UBE2E2: variants seen among roughly 807,000 people sequenced by gnomAD.
UBE2E2 encodes ubiquitin conjugating enzyme E2 E2, also known as ubiquitin-conjugating enzyme E2 E2.
In UBE2E2, 6 loss-of-function variants were observed where a neutral mutation model predicts 24.7. The observed-to-expected ratio is 0.24, with a 90% confidence interval of 0.13 to 0.48. The LOEUF (loss-of-function observed/expected upper bound fraction) is 0.48. Ranked by LOEUF, UBE2E2 falls within the 20% of genes least tolerant of loss-of-function variation. The probability of loss-of-function intolerance (pLI) is 0.99; values close to 1 mark genes in which losing one functional copy is unlikely to be tolerated. For synonymous variants in UBE2E2, 104 were observed against 83.6 expected, an observed-to-expected ratio of 1.24 and a Z score of -1.33; for missense variants, 169 against 245.0, an observed-to-expected ratio of 0.69 and a Z score of 2.07.
At chr3:23,463,443 C>G (rs1179624513) in intron 3 of UBE2E2, among the ~76,000 whole-genome samples, 2 of 151,998 alleles carry the variant, frequency 1.3e-5, no homozygotes, top group African/African-American at 4.8e-5. Context: ...AATGAGAGGT[C>G]CAAGATTCAG....
rs149129124 is a variant in UBE2E2, at chr3:23,582,448, C to A, written c.509-7286C>A. 6.4e-4 allele frequency among the ~76,000 whole-genome samples: 98 copies of A among 152,248 alleles called. 5 individuals carry two copies. The East Asian group carries it at 0.015, about 24-fold the overall frequency. On this transcript the variant is annotated intron_variant, in intron 5 of 5. Transcript: ENST00000396703. ...GGGATTGCTGGGTCAAATGGTAATTCTGCTTTGAGTTATTTGAGAAATCAC... is the reference window on the plus strand; with the variant it reads ...GGGATTGCTGGGTCAAATGGTAATTATGCTTTGAGTTATTTGAGAAATCAC...
chr3:23,230,551 G>A (rs565148376), intron 3 of UBE2E2, among the ~76,000 whole-genome samples: 31 of 152,112 alleles, frequency 2.0e-4, no homozygotes, highest in Non-Finnish European at 4.4e-4. Context: ...TTGGGAGGCC[G>A]AGGCGGGTGG....
chr3:23,203,944 C>T (rs1389540434), intron 1 of UBE2E2, among the ~76,000 whole-genome samples: 1 of 152,060 alleles, frequency 6.6e-6, no homozygotes, highest in Non-Finnish European at 1.5e-5. Flanking sequence ...CGCCGCACCC[C>T]GGTGGCCCGC....
intron 4 of UBE2E2, 143 bp from the exon 5 acceptor site, chr3:23,532,411 A>G (rs1559413480): frequency 1.6e-6 from 1 of 616,320 alleles, no homozygotes; most frequent in Non-Finnish European, 2.4e-6. Flanking sequence ...TCATGTGCCC[A>G]AGAAAAAAAT....
intron 3 of UBE2E2, among the ~76,000 whole-genome samples, chr3:23,285,946 C>T (rs111918876): frequency 0.049 from 7,452 of 152,260 alleles, 653 homozygotes; most frequent in African/African-American, 0.17. Context: ...ATCTGCCCAC[C>T]TCGGCCTCCC....
At chr3:23,349,778 C>A (rs1695678851) in intron 3 of UBE2E2, among the ~76,000 whole-genome samples, 1 of 152,252 alleles carries the variant, frequency 6.6e-6, no homozygotes, top group South Asian at 2.1e-4. Flanking sequence ...GGCCTGCCTG[C>A]CTCTGTAGGC....
At chr3:23,426,908 G>C (rs1022275759) in intron 3 of UBE2E2, among the ~76,000 whole-genome samples, 4 of 152,036 alleles carry the variant, frequency 2.6e-5, no homozygotes, top group Non-Finnish European at 5.9e-5. Flanking sequence ...AATATATTGT[G>C]TGCGTATACA....
chr3:23,257,362 C>T (rs1282313945), intron 3 of UBE2E2, among the ~76,000 whole-genome samples: 1 of 152,056 alleles, frequency 6.6e-6, no homozygotes, highest in African/African-American at 2.4e-5. Flanking sequence ...AGGAAATGAA[C>T]TTTCCTTCTT....
At chr3:23,441,182 T>C (rs1283540647) in intron 3 of UBE2E2, among the ~76,000 whole-genome samples, 1 of 151,896 alleles carries the variant, frequency 6.6e-6, no homozygotes, top group Admixed American at 6.6e-5. Flanking sequence ...CCTGCAAGGT[T>C]GGCAGGCAAC....
At chr3:23,350,157 A>G (rs1273300199) in intron 3 of UBE2E2, among the ~76,000 whole-genome samples, 1 of 152,258 alleles carries the variant, frequency 6.6e-6, no homozygotes, top group Admixed American at 6.5e-5. Flanking sequence ...AAACTCCAAC[A>G]GACCTGCAGC....
intron 4 of UBE2E2, among the ~76,000 whole-genome samples, chr3:23,514,784 CAAG>C (rs1694691570): frequency 6.6e-6 from 1 of 151,626 alleles, no homozygotes; most frequent in Admixed American, 6.6e-5. Flanking sequence ...AACAAAAAGC[CAAG>C]GGGATTAAGA....
At chr3:23,564,470 A>C (rs1285963526) in intron 5 of UBE2E2, among the ~76,000 whole-genome samples, 1 of 152,190 alleles carries the variant, frequency 6.6e-6, no homozygotes, top group Non-Finnish European at 1.5e-5. Context: ...TTAACACCCA[A>C]ATCCAATCTC....
intron 3 of UBE2E2, among the ~76,000 whole-genome samples, chr3:23,461,645 G>C (rs1329859083): frequency 6.6e-6 from 1 of 151,630 alleles, no homozygotes. Context: ...AATATCCTGA[G>C]TTGCATTTAT....
intron 5 of UBE2E2, among the ~76,000 whole-genome samples, chr3:23,585,348 G>C (rs1484337183): frequency 1.4e-5 from 2 of 140,568 alleles, no homozygotes; most frequent in Non-Finnish European, 3.0e-5. Flanking sequence ...TCCAGCCAGG[G>C]CAACAGAGTG....
chr3:23,398,349 T>G (rs1697131724), intron 3 of UBE2E2, among the ~76,000 whole-genome samples: 1 of 150,376 alleles, frequency 6.6e-6, no homozygotes, highest in Non-Finnish European at 1.5e-5. Context: ...AAAGTGGGAT[T>G]CCTTAACACC....
At chr3:23,393,964 A>G (rs892542966) in intron 3 of UBE2E2, among the ~76,000 whole-genome samples, 1 of 152,240 alleles carries the variant, frequency 6.6e-6, no homozygotes, top group African/African-American at 2.4e-5. Flanking sequence ...TGAAAATTCT[A>G]TCTAGCCCTT....
chr3:23,253,341 T>G (rs868089501), intron 3 of UBE2E2, among the ~76,000 whole-genome samples: 1 of 152,146 alleles, frequency 6.6e-6, no homozygotes, highest in Non-Finnish European at 1.5e-5. Flanking sequence ...AAAATACCCA[T>G]GATGACTGTG....
At chr3:23,258,770 G>A (rs1325364067) in intron 3 of UBE2E2, among the ~76,000 whole-genome samples, 2 of 151,774 alleles carry the variant, frequency 1.3e-5, no homozygotes, top group African/African-American at 4.8e-5. Context: ...GCGGGCGCCT[G>A]TAGTCCCAGC....
chr3:23,497,294 C>G (rs187470656), intron 3 of UBE2E2, among the ~76,000 whole-genome samples: 1 of 152,260 alleles, frequency 6.6e-6, no homozygotes, highest in Non-Finnish European at 1.5e-5. Context: ...CGGTATTGCA[C>G]AAACACAATG....
Sources: allele counts gnomAD v4.1 joint callset (sites outside exome capture counted in the v4.1 genomes callset), GRCh38; gene constraint gnomAD v4.1.1; transcripts MANE v1.5; gene names NCBI Gene and HGNC (gene_info 2026-07-23, HGNC 2026-07-21).